The following IGDCC3 variants were observed in gnomAD, a reference collection of about 807,000 sequenced individuals.
IGDCC3 encodes the protein immunoglobulin superfamily DCC subclass member 3, also known as putative neuronal cell adhesion molecule.
Under a neutral mutation model 72.0 loss-of-function variants are expected in IGDCC3, and 47 were observed. That is an observed-to-expected ratio of 0.65 (90% confidence interval 0.52 to 0.83). The LOEUF is 0.83. Among genes scored for constraint, IGDCC3 ranks in the 40% least tolerant of loss-of-function variants. IGDCC3 has a pLI of 0.00. For missense variants in IGDCC3, 1,038 were observed against 1,091.3 expected, an observed-to-expected ratio of 0.95 and a Z score of 0.69; for synonymous variants, 477 against 472.8, an observed-to-expected ratio of 1.01 and a Z score of -0.11.
chr15:65,342,223 T>C (rs1020395509), intron 2 of IGDCC3, among the ~76,000 whole-genome samples: 4 of 151,774 alleles, frequency 2.6e-5, no homozygotes, highest in African/African-American at 7.3e-5. Context: ...CTCGTCTCTA[T>C]TGAAAATACA....
At chr15:65,365,714 G>GA (rs1453561436) in intron 2 of IGDCC3, among the ~76,000 whole-genome samples, 14 of 152,262 alleles carry the variant, frequency 9.2e-5, no homozygotes, top group Non-Finnish European at 1.3e-4. Flanking sequence ...TTCTGCTTCT[G>GA]AAACAGAAAT....
Position 65,331,104 on chromosome 15 carries a change from G to A in IGDCC3, c.1507C>T (p.Pro503Ser), listed in dbSNP as rs778699105. The A allele has an allele frequency of 1.1e-5, 17 of 1,614,146 alleles. No homozygotes were observed. The highest frequency in any genetic ancestry group is 2.2e-5 in the East Asian group (1 of 44,882). The stretch of plus-strand genomic sequence containing the variant: ...ACAGAGGCTGAGCTGGCCCCCCTTG[G>A]TGTGTAGGCCTTGATGTAGAAACTG... ...AYSFYIKAYT[P>S]RGASSASVPT... Residue 503 changes from proline to serine, a missense_variant, in exon 9 of 14, where the codon CCA (proline) becomes TCA (serine). Coordinates refer to ENST00000327987, the MANE Select transcript of IGDCC3 (RefSeq NM_004884.4).
At chr15:65,374,523 G>C (rs2091346130) in intron 2 of IGDCC3, among the ~76,000 whole-genome samples, 1 of 152,156 alleles carries the variant, frequency 6.6e-6, no homozygotes, top group Admixed American at 6.5e-5. Context: ...ACATTAGCAT[G>C]AAGGTGAGTA....
In IGDCC3 at chr15:65,331,667, GGA is replaced by G; in HGVS notation, c.1149-10_1149-9del. 6.3e-7 allele frequency: 1 copy of G among 1,583,486 alleles called. No individual in the cohort carries two copies. The highest frequency in any genetic ancestry group is 8.6e-7 in the Non-Finnish European group (1 of 1,160,360). ...CCAGAAATGGTCAGTGTGCTGCAGG[GGA>G]GAGAGACAGCCTCAGGTTCCCTCCT... On this transcript the variant is annotated splice_polypyrimidine_tract_variant and intron_variant, in intron 7 of 13. Coordinates refer to ENST00000327987, the MANE Select transcript of IGDCC3 (RefSeq NM_004884.4).
chr15:65,328,573 C>T lies in IGDCC3; in HGVS notation c.*336G>A, dbSNP rs1166772567. 3 of 219,022 alleles carry T rather than the reference C, an allele frequency of 1.4e-5. No individual in the cohort carries two copies. The Admixed American group carries it at 1.8e-4, about 13-fold the overall frequency. The allele number at this position is 219,022 out of a possible 1,614,324, so 13.6% of individuals were successfully genotyped here. A position where few individuals can be genotyped will look rare whatever the true frequency, so the allele number is the denominator to read the frequency against. Reference sequence around the variant, plus strand: ...CTTTTGGAGTCTAATTCACCTTCCTCTATCTCTCTCCTCTTTTTTTTTTTT... The same window carrying T: ...CTTTTGGAGTCTAATTCACCTTCCTTTATCTCTCTCCTCTTTTTTTTTTTT... On this transcript the variant is annotated 3_prime_UTR_variant, in exon 14 of 14. Coordinates refer to ENST00000327987, the MANE Select transcript of IGDCC3 (RefSeq NM_004884.4).
In IGDCC3 at chr15:65,375,257, T is replaced by C. The variant is rs536354298; in HGVS notation, c.249A>G (p.Pro83=). ...CCAGCAAGGTGGAGTGGGTACTCTC[T>C]GGCAGCTCTACCCCATTCTTCCTCC... ...ITWRKNGVEL[P]ESTHSTLLAN... Residue 83 remains proline, a synonymous_variant, in exon 2 of 14, where the codon CCA becomes CCG. Transcript: ENST00000327987. 1 of 1,614,206 alleles carries C rather than the reference T, an allele frequency of 6.2e-7. No homozygotes were observed. The highest frequency in any genetic ancestry group is 2.2e-5 in the East Asian group (1 of 44,876).
At position 65,336,511 on chromosome 15, in the gene IGDCC3, C is replaced by CT. The variant is rs1416665247; in HGVS notation, c.410-556dup. Among the ~76,000 whole-genome samples, 27 of 151,734 alleles carry CT rather than the reference C, an allele frequency of 1.8e-4. No homozygotes were observed. The East Asian group carries it at 3.7e-3, about 21-fold the overall frequency. On this transcript the variant is annotated intron_variant, in intron 2 of 13. Transcript: ENST00000327987. Reference sequence around the variant, plus strand: ...GGCCCTGGTTACCAGGGCCCGGGAGCTTTTTTTTGGTCCCTCCTTCTCCTA... The same window carrying CT: ...GGCCCTGGTTACCAGGGCCCGGGAGCTTTTTTTTTGGTCCCTCCTTCTCCTA...
chr15:65,330,467 G>C, intron 10 of IGDCC3, 70 bp from the exon 11 acceptor site: 1 of 1,575,736 alleles, frequency 6.3e-7, no homozygotes. Context: ...CCAGGAAAGG[G>C]AGGTGACCCC....
At position 65,329,284 on chromosome 15, in the gene IGDCC3, C is replaced by T; in HGVS notation, c.2205+106G>A. Reference sequence around the variant, plus strand: ...CACAAAGAGAAGACCTGCAGTTTGACTAAGGCCAATGATCGAGGCCCGTGG... The same window carrying T: ...CACAAAGAGAAGACCTGCAGTTTGATTAAGGCCAATGATCGAGGCCCGTGG... On this transcript the variant is annotated intron_variant, in intron 13 of 13. Transcript: ENST00000327987. The surrounding 1 kb of genome is among the most constrained non-coding windows in gnomAD (Gnocchi z 4.1). The T allele has an allele frequency of 6.8e-7, 1 of 1,481,470 alleles. No individual in the cohort carries two copies. Among genetic ancestry groups the T allele is most frequent in the Non-Finnish European group, 9.1e-7 (1 of 1,101,572 alleles). 91.8% of individuals were successfully genotyped at this position (1,481,470 alleles called of 1,614,324 possible).
At chr15:65,369,527 G>A (rs1595765815) in intron 2 of IGDCC3, among the ~76,000 whole-genome samples, 1 of 152,146 alleles carries the variant, frequency 6.6e-6, no homozygotes, top group African/African-American at 2.4e-5. Flanking sequence ...CCTGACATGA[G>A]GGTAGGCCTA....
intron 1 of IGDCC3, among the ~76,000 whole-genome samples, chr15:65,376,437 C>G (rs2091359200): frequency 6.6e-6 from 1 of 152,240 alleles, no homozygotes. Context: ...CCCACCTGGT[C>G]TGAAATGGCA....
Position 65,331,545 on chromosome 15 carries a change from C to T in IGDCC3, c.1263G>A (p.Glu421=). 1 of 1,613,792 alleles carries T rather than the reference C, an allele frequency of 6.2e-7. No individual in the cohort carries two copies. Among genetic ancestry groups the T allele is most frequent in the Non-Finnish European group, 8.5e-7 (1 of 1,179,930 alleles). Residue 421 remains glutamate, a synonymous_variant, in exon 8 of 14, where the codon GAG becomes GAA. Transcript: ENST00000327987. ...ASARLTVLWA[E]GLPGPPRNVR... ...CATTGCGGGGAGGCCCGGGGAGCCC[C>T]TCAGCCCACAGTACGGTCAGCCTGG...
intron 2 of IGDCC3, among the ~76,000 whole-genome samples, chr15:65,336,356 T>C (rs1175769811): frequency 6.6e-6 from 1 of 152,138 alleles, no homozygotes; most frequent in African/African-American, 2.4e-5. Flanking sequence ...CAGATTCGTT[T>C]TTGTAAATTC....
chr15:65,355,861 TC>T, intron 2 of IGDCC3: 1 of 355,912 alleles, frequency 2.8e-6, no homozygotes, highest in Non-Finnish European at 6.0e-6. Flanking sequence ...CGCCACCCCC[TC>T]CCCCAGAGCC....
chr15:65,371,013 G>A (rs1374220981), intron 2 of IGDCC3, among the ~76,000 whole-genome samples: 1 of 152,238 alleles, frequency 6.6e-6, no homozygotes, highest in Non-Finnish European at 1.5e-5. Flanking sequence ...CAAGGCCCAA[G>A]CCCACCAAGC....
chr15:65,366,666 A>T (rs1051600245), intron 2 of IGDCC3, among the ~76,000 whole-genome samples: 1 of 152,200 alleles, frequency 6.6e-6, no homozygotes, highest in East Asian at 1.9e-4. Flanking sequence ...TGCCTGAGTC[A>T]GGTGAGCCAG....
chr15:65,355,063 GC>G lies in IGDCC3; in HGVS notation c.410-19108del, dbSNP rs778843732. 2.0e-5 allele frequency among the ~76,000 whole-genome samples: 3 copies of G among 152,286 alleles called. No individual in the cohort carries two copies. In the South Asian group the frequency reaches 6.2e-4, roughly 32 times the overall value. Reference sequence around the variant, plus strand: ...CGGACCAGGGCAGAAACTCAGCCAAGCCCCCCAACCCTTGCTCCCAGCCGGC... The same window carrying G: ...CGGACCAGGGCAGAAACTCAGCCAAGCCCCCAACCCTTGCTCCCAGCCGGC... On this transcript the variant is annotated intron_variant, in intron 2 of 13. Transcript: ENST00000327987.
At position 65,330,669 on chromosome 15, in the gene IGDCC3, G is replaced by A; in HGVS notation, c.1634C>T (p.Pro545Leu). ...SSLQLLWEPW[P>L]RLAQHEGGFK... ...GCCGCCCTCGTGCTGGGCCAGCCGG[G>A]GCCAAGGCTCCCACAGCAGCTGCAA... The change falls in exon 10 of 14, where the codon CCC becomes CTC. Residue 545 changes from proline to leucine, a missense_variant. Physicochemically the swap from Pro to Leu is moderately conservative, Grantham distance 98. Transcript: ENST00000327987. 6.2e-7 allele frequency: 1 copy of A among 1,613,520 alleles called. No individual in the cohort carries two copies. The highest frequency in any genetic ancestry group is 2.2e-5 in the East Asian group (1 of 44,878).
chr15:65,356,847 G>GTTTTTTTTTTTTTTTTTTTTT (rs1189300061), intron 2 of IGDCC3, among the ~76,000 whole-genome samples: 2 of 61,784 alleles, frequency 3.2e-5, no homozygotes, highest in African/African-American at 8.8e-5. Context: ...GAATGGACCT[G>GTTTTTTTTTTTTTTTTTTTTT]CTTTTTTTTT....
Sources: allele counts gnomAD v4.1 joint callset (sites outside exome capture counted in the v4.1 genomes callset), GRCh38; gene constraint gnomAD v4.1.1; non-coding constraint Gnocchi (gnomAD v3.1); transcripts MANE v1.5; gene names NCBI Gene and HGNC (gene_info 2026-07-23, HGNC 2026-07-21).